Variants in DAPP1 observed in about 807,000 individuals in gnomAD.
DAPP1 encodes the protein dual adapter for phosphotyrosine and 3-phosphotyrosine and 3-phosphoinositide.
DAPP1 carries 20 observed loss-of-function variants against 41.5 expected under a neutral mutation model. The ratio of observed to expected loss-of-function variants is 0.48; its 90% CI spans 0.34 to 0.70. DAPP1 has a LOEUF of 0.70. Among genes scored for constraint, DAPP1 ranks in the 30% least tolerant of loss-of-function variants. The pLI is 0.01. For missense variants in DAPP1, 233 were observed against 333.4 expected, an observed-to-expected ratio of 0.70 and a Z score of 2.35; for synonymous variants, 113 against 116.2, an observed-to-expected ratio of 0.97 and a Z score of 0.18.
chr4:99,856,850 G>A (rs1290075755), intron 4 of DAPP1, among the ~76,000 whole-genome samples: 1 of 152,190 alleles, frequency 6.6e-6, no homozygotes, highest in Non-Finnish European at 1.5e-5. Flanking sequence ...ATATTGAAAG[G>A]GCCAGGTGAT....
intron 6 of DAPP1, 50 bp downstream of exon 6, chr4:99,863,122 G>A (rs1724300321): frequency 8.2e-7 from 1 of 1,221,990 alleles, no homozygotes; most frequent in Admixed American, 3.0e-5. Context: ...TTCTCTAGAT[G>A]AAAGAAACTT....
At chr4:99,825,653 T>C (rs1051678267) in intron 1 of DAPP1, among the ~76,000 whole-genome samples, 1 of 152,222 alleles carries the variant, frequency 6.6e-6, no homozygotes, top group Non-Finnish European at 1.5e-5. Flanking sequence ...CAGAAACGTC[T>C]CTATTGGAGA....
chr4:99,871,009 TG>T (rs1724616091), downstream of DAPP1, among the ~76,000 whole-genome samples: 2 of 152,186 alleles, frequency 1.3e-5, no homozygotes, highest in African/African-American at 4.8e-5. Flanking sequence ...GTACTGTTTC[TG>T]GGGGAAACCT....
intron 1 of DAPP1, among the ~76,000 whole-genome samples, chr4:99,829,337 A>T (rs763491454): frequency 3.9e-5 from 6 of 152,058 alleles, no homozygotes; most frequent in Admixed American, 1.3e-4. Context: ...AAAATTTGCC[A>T]GGTGTGGTGG....
downstream of DAPP1, among the ~76,000 whole-genome samples, chr4:99,870,349 G>A (rs982089924): frequency 1.7e-4 from 23 of 135,558 alleles, no homozygotes; most frequent in South Asian, 4.4e-4. Flanking sequence ...ATATATATGC[G>A]TGTATATATA....
intron 1 of DAPP1, among the ~76,000 whole-genome samples, chr4:99,827,415 C>T (rs1231568817): frequency 6.6e-6 from 1 of 151,834 alleles, no homozygotes; most frequent in East Asian, 1.9e-4. Flanking sequence ...CACTTGTAGT[C>T]CCAGCTACTC....
Position 99,868,160 on chromosome 4 carries a change from G to A in DAPP1, c.818G>A (p.Arg273Gln), listed in dbSNP as rs371219607. Residue 273 changes from arginine (R) to glutamine (Q), a missense_variant, in exon 9 of 9, where the codon CGA becomes CAA. Arg to Gln is a conservative substitution (Grantham distance 43). Coordinates refer to ENST00000512369, the MANE Select transcript of DAPP1 (RefSeq NM_014395.3). ...KQLNQGEGTIRSRSFIFK is the reference protein window; with the variant it reads ...KQLNQGEGTIQSRSFIFK ...CTCAACCAAGGGGAAGGCACGATCCGATCTCGGTCGTTCATCTTTAAATAG... is the reference window on the plus strand; with the variant it reads ...CTCAACCAAGGGGAAGGCACGATCCAATCTCGGTCGTTCATCTTTAAATAG... The A allele has an allele frequency of 3.1e-6, 5 of 1,613,820 alleles. No homozygotes were observed. Among genetic ancestry groups the A allele is most frequent in the Non-Finnish European group, 4.2e-6 (5 of 1,179,866 alleles).
chr4:99,817,554 T>C (rs916751070), intron 1 of DAPP1, among the ~76,000 whole-genome samples: 1 of 152,202 alleles, frequency 6.6e-6, no homozygotes, highest in African/African-American at 2.4e-5. Context: ...TGATATCGTA[T>C]GTATGTCCAG....
intron 3 of DAPP1, among the ~76,000 whole-genome samples, chr4:99,852,492 C>T (rs893490635): frequency 6.6e-6 from 1 of 152,168 alleles, no homozygotes; most frequent in Non-Finnish European, 1.5e-5. Flanking sequence ...CCCCAGCCCC[C>T]CATGCCTGGA....
At chr4:99,837,186 A>G (rs1723331309) in intron 2 of DAPP1, among the ~76,000 whole-genome samples, 1 of 152,232 alleles carries the variant, frequency 6.6e-6, no homozygotes, top group Non-Finnish European at 1.5e-5. Context: ...CCACTCAGAT[A>G]ATGTCCATAT....
intron 3 of DAPP1, among the ~76,000 whole-genome samples, chr4:99,848,826 A>C (rs924781715): frequency 6.6e-6 from 1 of 152,192 alleles, no homozygotes; most frequent in Non-Finnish European, 1.5e-5. Context: ...GATCCCCAAG[A>C]AGTGAATCCA....
intron 8 of DAPP1, chr4:99,866,766 A>ATTTTTTTTTTTTTTTTTTTTTTT (rs11315402): frequency 2.9e-6 from 1 of 343,172 alleles, no homozygotes; most frequent in Non-Finnish European, 5.0e-6. Context: ...CTTTTTTTCT[A>ATTTTTTTTTTTTTTTTTTTTTTT]TTTTTTTTTT....
intron 4 of DAPP1, among the ~76,000 whole-genome samples, chr4:99,857,976 GT>G (rs1724105592): frequency 6.6e-6 from 1 of 152,130 alleles, no homozygotes; most frequent in South Asian, 2.1e-4. Context: ...ACAGAACTTG[GT>G]TTTCCCCAAG....
intron 4 of DAPP1, among the ~76,000 whole-genome samples, chr4:99,857,578 G>A (rs1724087394): frequency 6.6e-6 from 1 of 151,178 alleles, no homozygotes; most frequent in Non-Finnish European, 1.5e-5. Context: ...TCCTCTTCTT[G>A]GATACTTTCC....
chr4:99,853,285 C>A lies in DAPP1; in HGVS notation c.426C>A (p.Val142=), dbSNP rs1467631448. 6.2e-7 allele frequency: 1 copy of A among 1,613,376 alleles called. No homozygotes were observed. The highest frequency in any genetic ancestry group is 1.3e-5 in the African/African-American group (1 of 74,926). The change falls in exon 4 of 9, where the codon GTC becomes GTA. Residue 142 remains valine (V), a synonymous_variant. Transcript: ENST00000512369. The stretch of plus-strand genomic sequence containing the variant: ...AAGAACCCTCCATTTATGAATCTGT[C>A]CGGGTTCACACAGCAATGCAGACAG... ...KVEEPSIYES[V]RVHTAMQTGR...
At chr4:99,826,105 G>A (rs189187410) in intron 1 of DAPP1, among the ~76,000 whole-genome samples, 177 of 152,276 alleles carry the variant, frequency 1.2e-3, no homozygotes, top group Non-Finnish European at 2.3e-3. Context: ...GAGTGTGAAC[G>A]CCTAATAGAT....
intron 7 of DAPP1, 174 bp downstream of exon 7, chr4:99,864,029 C>T: frequency 2.0e-6 from 1 of 512,712 alleles, no homozygotes; most frequent in South Asian, 2.5e-5. Flanking sequence ...TTTAAAGTAG[C>T]TTAAACAAAC....
chr4:99,820,826 T>C (rs1223620689), intron 1 of DAPP1, among the ~76,000 whole-genome samples: 1 of 152,220 alleles, frequency 6.6e-6, no homozygotes. Context: ...ACGTTATTTA[T>C]ACACTGAAAT....
At chr4:99,836,630 G>T (rs529182004) in intron 2 of DAPP1, among the ~76,000 whole-genome samples, 8 of 152,242 alleles carry the variant, frequency 5.3e-5, no homozygotes, top group Non-Finnish European at 8.8e-5. Context: ...AGCTAATCTG[G>T]CCTCAGAGGC....
Sources: gnomAD v4.1 joint callset for allele counts (sites outside exome capture counted in the v4.1 genomes callset) on GRCh38, gnomAD v4.1.1 for gene constraint, MANE v1.5 for transcripts, NCBI Gene and HGNC (gene_info 2026-07-23, HGNC 2026-07-21) for gene names.